APBB2: variants seen among roughly 807,000 people sequenced by gnomAD.
APBB2 encodes Fe65-like 1.
APBB2 carries 38 observed loss-of-function variants against 82.5 expected under a neutral mutation model. The ratio of observed to expected loss-of-function variants is 0.46; its 90% CI spans 0.36 to 0.60. The LOEUF (loss-of-function observed/expected upper bound fraction) is 0.60. Among genes scored for constraint, APBB2 ranks in the 20% least tolerant of loss-of-function variants. The probability of loss-of-function intolerance (pLI) is 0.00; values close to 1 mark genes in which losing one functional copy is unlikely to be tolerated. For missense variants in APBB2, 772 were observed against 972.3 expected (o/e 0.79, Z 2.74); for synonymous variants, 341 against 368.2 (o/e 0.93, Z 0.85).
At chr4:40,934,925 C>T in intron 8 of APBB2, 152 bp downstream of exon 8, 1 of 723,550 alleles carries the variant, frequency 1.4e-6, no homozygotes, top group Non-Finnish European at 2.2e-6. Context: ...CAAAAAAAGG[C>T]AACAGGAGTG....
chr4:41,169,236 G>T (rs910124104), intron 1 of APBB2, among the ~76,000 whole-genome samples: 1 of 149,622 alleles, frequency 6.7e-6, no homozygotes, highest in Admixed American at 6.7e-5. Flanking sequence ...GAAAGGTAAG[G>T]AAGAGCACAG....
chr4:41,038,177 GCAACCCCAAAT>G (rs1211733578), intron 4 of APBB2, among the ~76,000 whole-genome samples: 1 of 151,672 alleles, frequency 6.6e-6, no homozygotes, highest in Middle Eastern at 3.4e-3. Context: ...GAGAGAGCTT[GCAACCCCAAAT>G]CACAAAAGCA....
chr4:40,828,734 G>T (rs529695421), intron 13 of APBB2, among the ~76,000 whole-genome samples: 1 of 152,212 alleles, frequency 6.6e-6, no homozygotes, highest in African/African-American at 2.4e-5. Flanking sequence ...CAACACCCCC[G>T]TCTCATCAAT....
chr4:40,853,272 T>C (rs574366201), intron 12 of APBB2, among the ~76,000 whole-genome samples: 1 of 152,210 alleles, frequency 6.6e-6, no homozygotes, highest in South Asian at 2.1e-4. Context: ...TCTTTCTGTA[T>C]GAAATAAACT....
At chr4:41,196,377 A>G in intron 1 of APBB2, among the ~76,000 whole-genome samples, 1 of 152,334 alleles carries the variant, frequency 6.6e-6, no homozygotes, top group African/African-American at 2.4e-5. Context: ...TGGGTACTCA[A>G]TAAACACATG....
At chr4:40,952,196 A>T (rs932831919) in intron 6 of APBB2, among the ~76,000 whole-genome samples, 2 of 151,500 alleles carry the variant, frequency 1.3e-5, no homozygotes, top group African/African-American at 2.4e-5. Context: ...AAAAAAAAAA[A>T]AAAAAAAAAA....
chr4:40,910,130 T>A (rs1778153785), intron 10 of APBB2, among the ~76,000 whole-genome samples: 1 of 151,648 alleles, frequency 6.6e-6, no homozygotes, highest in African/African-American at 2.4e-5. Context: ...AATTTTTTTT[T>A]TTTTTTTTTG....
Position 40,839,733 on chromosome 4 carries a change from C to T in APBB2, c.1530-9156G>A, listed in dbSNP as rs180831482. ...AGGCTGGAGTGCAGTGGTGCCATCT[C>T]GGCTCACTGCAACCTCTGCCTCCCA... On this transcript the variant is annotated intron_variant, in intron 12 of 17. Coordinates refer to ENST00000508593, the MANE Select transcript of APBB2 (RefSeq NM_004307.2). Among the ~76,000 whole-genome samples the T allele has an allele frequency of 3.2e-4, 48 of 151,624 alleles. No homozygotes were observed. The East Asian group carries it at 5.2e-3, about 17-fold the overall frequency.
rs760938195 is a variant in APBB2 at position 40,834,440 on chromosome 4, G to A, written c.1530-3863C>T. Among the ~76,000 whole-genome samples the A allele has an allele frequency of 1.3e-5, 2 of 152,282 alleles. 1 individual carries two copies. The highest frequency in any genetic ancestry group is 6.8e-3 in the Middle Eastern group (2 of 294). Reference sequence around the variant, plus strand: ...TGGACAATGAAACATACAAGCGATCGAATTTCATTGATTTAAGACGAAATC... The same window carrying A: ...TGGACAATGAAACATACAAGCGATCAAATTTCATTGATTTAAGACGAAATC... On this transcript the variant is annotated intron_variant, in intron 12 of 17. Coordinates refer to ENST00000508593, the MANE Select transcript of APBB2 (RefSeq NM_004307.2).
chr4:41,057,981 C>G (rs745768380), intron 4 of APBB2, among the ~76,000 whole-genome samples: 2 of 152,150 alleles, frequency 1.3e-5, no homozygotes, highest in Non-Finnish European at 2.9e-5. Context: ...TCTGACCTAC[C>G]CCCAGCATCC....
chr4:40,879,537 C>A (rs1385251767), intron 12 of APBB2, among the ~76,000 whole-genome samples: 1 of 152,126 alleles, frequency 6.6e-6, no homozygotes, highest in Non-Finnish European at 1.5e-5. Flanking sequence ...CTCTAGGGAA[C>A]TCTATGAAGA....
At chr4:40,908,965 G>C (rs540884809) in intron 10 of APBB2, among the ~76,000 whole-genome samples, 1 of 152,308 alleles carries the variant, frequency 6.6e-6, no homozygotes, top group East Asian at 1.9e-4. Context: ...TGCTAGCTGC[G>C]TCCTCCTCCC....
At chr4:40,903,340 G>A (rs1775851894) in intron 10 of APBB2, among the ~76,000 whole-genome samples, 1 of 152,092 alleles carries the variant, frequency 6.6e-6, no homozygotes, top group Non-Finnish European at 1.5e-5. Context: ...GGTGGCAGGT[G>A]CCTGTAATCC....
chr4:40,933,543 G>C (rs1449781404), intron 10 of APBB2, among the ~76,000 whole-genome samples: 3 of 152,156 alleles, frequency 2.0e-5, no homozygotes, highest in Non-Finnish European at 2.9e-5. Flanking sequence ...GACTGGGCTG[G>C]TCACCACCAC....
intron 2 of APBB2, among the ~76,000 whole-genome samples, chr4:41,137,330 T>C (rs906947649): frequency 2.6e-5 from 4 of 152,214 alleles, no homozygotes; most frequent in Middle Eastern, 3.2e-3. Flanking sequence ...AATCTTTTTT[T>C]TTCCAAATGC....
At chr4:40,928,421 CACACACA>C (rs146572545) in intron 10 of APBB2, among the ~76,000 whole-genome samples, 7,873 of 72,038 alleles carry the variant, frequency 0.11, 236 homozygotes, top group Middle Eastern at 0.19. Flanking sequence ...CACACACACA[CACACACA>C]ATCAGCCAGG....
At chr4:41,112,350 C>T (rs931837753) in intron 2 of APBB2, among the ~76,000 whole-genome samples, 8 of 152,188 alleles carry the variant, frequency 5.3e-5, no homozygotes, top group African/African-American at 1.9e-4. Flanking sequence ...TGCAACAATT[C>T]CAGGGACTTG....
At chr4:41,064,282 A>C (rs1313536027) in intron 4 of APBB2, among the ~76,000 whole-genome samples, 1 of 152,032 alleles carries the variant, frequency 6.6e-6, no homozygotes, top group East Asian at 1.9e-4. Flanking sequence ...CTGGCCCCAA[A>C]ATGCTGGGAT....
At chr4:41,074,586 G>T (rs1734950606) in intron 3 of APBB2, among the ~76,000 whole-genome samples, 1 of 150,296 alleles carries the variant, frequency 6.7e-6, no homozygotes, top group Non-Finnish European at 1.5e-5. Flanking sequence ...TCTACCATAT[G>T]AAGGCAAATA....
Sources: gnomAD v4.1 joint callset for allele counts (sites outside exome capture counted in the v4.1 genomes callset) on GRCh38, gnomAD v4.1.1 for gene constraint, MANE v1.5 for transcripts, NCBI Gene and HGNC (gene_info 2026-07-23, HGNC 2026-07-21) for gene names.